The following GPR137B variants were observed in gnomAD, a reference collection of about 807,000 sequenced individuals.
GPR137B encodes G protein-coupled receptor 137B, also known as integral membrane protein GPR137B.
A neutral mutation model predicts 42.5 loss-of-function variants in GPR137B; 42 were observed. The observed-to-expected ratio is 0.99, with a 90% CI of 0.77 to 1.28. The LOEUF (loss-of-function observed/expected upper bound fraction) is 1.28, where lower values mean the gene tolerates loss of function less well. Ranked by LOEUF, GPR137B falls within the 50% of genes most tolerant of loss-of-function variation. The pLI, the probability that GPR137B is intolerant of heterozygous loss-of-function variation, is 0.00. For missense variants in GPR137B, 487 were observed against 493.9 expected (o/e 0.99, Z 0.13); for synonymous variants, 218 against 209.7 (o/e 1.04, Z -0.34).
intron 1 of GPR137B, among the ~76,000 whole-genome samples, chr1:236,143,321 C>A (rs1371698184): frequency 6.6e-6 from 1 of 152,270 alleles, no homozygotes; most frequent in African/African-American, 2.4e-5. Flanking sequence ...GGATTCGGGG[C>A]GCTTCTCCGT....
In GPR137B at chr1:236,208,153, G is replaced by C. The variant is rs200182944; in HGVS notation, c.1195G>C (p.Gly399Arg). The change falls in exon 7 of 7, where the codon GGG becomes CGG. Residue 399 changes from glycine to arginine, a missense_variant. Physicochemically the swap from Gly to Arg is moderately radical, Grantham distance 125. Transcript: ENST00000366592. ...TTTGGATCCTGACAAACCAAGCCTT[G>C]GGTAGCATCAGTTAACAGTTTTATG... ...STLDPDKPSL[G>R] is the part of the protein sequence containing the mutation. The C allele has an allele frequency of 3.1e-4, 502 of 1,613,446 alleles. No individual in the cohort carries two copies. The highest frequency in any genetic ancestry group is 1.5e-3 in the South Asian group (138 of 90,980).
At chr1:236,144,582 T>C (rs777522467) in intron 1 of GPR137B, among the ~76,000 whole-genome samples, 1 of 152,254 alleles carries the variant, frequency 6.6e-6, no homozygotes, top group Admixed American at 6.5e-5. Flanking sequence ...CTCAGACTTC[T>C]TGTAAGTCCA....
chr1:236,180,364 T>C (rs1331405756), intron 4 of GPR137B, among the ~76,000 whole-genome samples: 1 of 149,354 alleles, frequency 6.7e-6, no homozygotes, highest in Non-Finnish European at 1.5e-5. Flanking sequence ...CCCGCTGATA[T>C]GGAGGGCCGA....
chr1:236,154,663 G>C (rs1235878808), intron 1 of GPR137B, among the ~76,000 whole-genome samples: 1 of 151,928 alleles, frequency 6.6e-6, no homozygotes, highest in African/African-American at 2.4e-5. Flanking sequence ...AGTTCCCAGG[G>C]CATCCTAAAA....
chr1:236,183,913 A>T lies in GPR137B; in HGVS notation c.966+7A>T. The T allele has an allele frequency of 6.3e-7, 1 of 1,596,452 alleles. No individual in the cohort carries two copies. Among genetic ancestry groups the T allele is most frequent in the Non-Finnish European group, 8.6e-7 (1 of 1,166,034 alleles). ...AAATCCTACAAAGGACCTTGTAAGT[A>T]AACCATTTTACATTTGTAAGAAAAT... On this transcript the variant is annotated splice_region_variant and intron_variant, in intron 5 of 6. Transcript: ENST00000366592.
rs529007802 is a variant in GPR137B at position 236,157,909 on chromosome 1, TAAAC to T, written c.415-10792_415-10789del. Among the ~76,000 whole-genome samples, 96 of 152,210 alleles carry T rather than the reference TAAAC, an allele frequency of 6.3e-4. No homozygotes were observed. The South Asian group carries it at 0.011, about 17-fold the overall frequency. ...TTCCAAACACATAGTCATGAGGGAA[TAAAC>T]AAACTGCAGAAGGTTATGGAAGGTA... On this transcript the variant is annotated intron_variant, in intron 1 of 6. Transcript: ENST00000366592.
intron 1 of GPR137B, among the ~76,000 whole-genome samples, chr1:236,149,181 A>G (rs531513331): frequency 7.9e-5 from 12 of 152,282 alleles, no homozygotes; most frequent in Middle Eastern, 3.4e-3. Flanking sequence ...CTTTTCCACC[A>G]AACAGCAGCT....
chr1:236,175,244 G>A (rs1662652464), intron 2 of GPR137B, among the ~76,000 whole-genome samples: 1 of 152,132 alleles, frequency 6.6e-6, no homozygotes, highest in Non-Finnish European at 1.5e-5. Context: ...TTATTAAGTG[G>A]AAGTGGGTGA....
At chr1:236,154,698 A>G (rs1012316147) in intron 1 of GPR137B, among the ~76,000 whole-genome samples, 3 of 152,028 alleles carry the variant, frequency 2.0e-5, no homozygotes, top group Non-Finnish European at 4.4e-5. Flanking sequence ...TCACTTCTGA[A>G]GCAGAAAGTT....
intron 5 of GPR137B, among the ~76,000 whole-genome samples, chr1:236,190,570 T>G (rs1441631865): frequency 6.6e-6 from 1 of 152,230 alleles, no homozygotes; most frequent in African/African-American, 2.4e-5. Context: ...ATAATGGATT[T>G]TATTTCTCCT....
chr1:236,167,363 TACTC>T (rs1229856720), intron 1 of GPR137B, among the ~76,000 whole-genome samples: 1 of 152,212 alleles, frequency 6.6e-6, no homozygotes, highest in African/African-American at 2.4e-5. Flanking sequence ...CCCCAGGACT[TACTC>T]AACGTGGCTG....
At chr1:236,168,023 T>C (rs57735732) in intron 1 of GPR137B, among the ~76,000 whole-genome samples, 5,846 of 152,332 alleles carry the variant, frequency 0.038, 400 homozygotes, top group African/African-American at 0.13. Context: ...CAAAGATGTT[T>C]TGTTATTTTA....
rs1399811293 is a variant in GPR137B at position 236,188,012 on chromosome 1, GCA to G, written c.966+4107_966+4108del. Among the ~76,000 whole-genome samples, 3 of 152,158 alleles carry G rather than the reference GCA, an allele frequency of 2.0e-5. No homozygotes were observed. In the East Asian group the frequency reaches 5.8e-4, roughly 29 times the overall value. ...GTGTCCTCTCTTATTTCCTTGAGCA[GCA>G]GTTTGTAGTTCTCCTTGGAGAGGTC... On this transcript the variant is annotated intron_variant, in intron 5 of 6. Coordinates refer to ENST00000366592, the MANE Select transcript of GPR137B (RefSeq NM_003272.4).
At chr1:236,168,291 G>T (rs1012423375) in intron 1 of GPR137B, among the ~76,000 whole-genome samples, 1 of 151,930 alleles carries the variant, frequency 6.6e-6, no homozygotes, top group African/African-American at 2.4e-5. Context: ...ACTGGGTGTG[G>T]TGACACCTGT....
At chr1:236,172,040 C>CA (rs554280420) in intron 2 of GPR137B, among the ~76,000 whole-genome samples, 2,141 of 72,426 alleles carry the variant, frequency 0.03, 21 homozygotes, top group East Asian at 0.11. Context: ...AACTCCATCT[C>CA]AAAAAAAAAA....
At chr1:236,153,753 G>T (rs1661937420) in intron 1 of GPR137B, among the ~76,000 whole-genome samples, 1 of 152,192 alleles carries the variant, frequency 6.6e-6, no homozygotes. Flanking sequence ...GTTTTCAGTG[G>T]AAAGTTGAAG....
At chr1:236,162,299 T>C (rs1362221551) in intron 1 of GPR137B, among the ~76,000 whole-genome samples, 2 of 152,170 alleles carry the variant, frequency 1.3e-5, no homozygotes. Context: ...CAGCAAAGCA[T>C]TTAGAGGTGA....
At chr1:236,201,304 C>G (rs1367201687) in intron 5 of GPR137B, among the ~76,000 whole-genome samples, 1 of 152,006 alleles carries the variant, frequency 6.6e-6, no homozygotes, top group Non-Finnish European at 1.5e-5. Context: ...CTTTGAGCTT[C>G]TTGTATTTGG....
At chr1:236,177,250 A>G (rs538675759) in intron 2 of GPR137B, among the ~76,000 whole-genome samples, 8 of 152,296 alleles carry the variant, frequency 5.3e-5, no homozygotes, top group Non-Finnish European at 8.8e-5. Flanking sequence ...GCAGCTGGGC[A>G]TGGACCTGGG....
Sources: gnomAD v4.1 joint callset for allele counts (sites outside exome capture counted in the v4.1 genomes callset) on GRCh38, gnomAD v4.1.1 for gene constraint, MANE v1.5 for transcripts, NCBI Gene and HGNC (gene_info 2026-07-23, HGNC 2026-07-21) for gene names.